Variants in AVPR2 observed in about 807,000 individuals in gnomAD.
The protein encoded by AVPR2 is arginine vasopressin receptor 2, also known as vasopressin V2 receptor.
Under a neutral mutation model 12.0 loss-of-function variants are expected in AVPR2, and 3 were observed. The observed-to-expected ratio is 0.25, with a 90% CI of 0.11 to 0.64. The LOEUF (loss-of-function observed/expected upper bound fraction) is 0.64, where lower values mean the gene tolerates loss of function less well. AVPR2 is among the 30% of genes least tolerant of loss of function. AVPR2 has a pLI of 0.84. For missense variants in AVPR2, 279 were observed against 347.9 expected, an observed-to-expected ratio of 0.80 and a Z score of 1.58; for synonymous variants, 143 against 147.5, an observed-to-expected ratio of 0.97 and a Z score of 0.22.
At position 153,905,821 on chromosome X, in the gene AVPR2, C is replaced by T. The variant is rs782202028; in HGVS notation, c.315C>T (p.Phe105=). 21 of 1,206,143 alleles carry T rather than the reference C, an allele frequency of 1.7e-5. No individual in the cohort carries two copies. In the Admixed American group the frequency reaches 2.8e-4, roughly 16 times the overall value. Residue 105 remains phenylalanine, a synonymous_variant, in exon 3 of 4, where the codon TTC becomes TTT. Transcript: ENST00000646375. ...TGGCCTGGAAGGCCACCGACCGCTTCCGTGGGCCAGATGCCCTGTGTCGGG... is the reference window on the plus strand; with the variant it reads ...TGGCCTGGAAGGCCACCGACCGCTTTCGTGGGCCAGATGCCCTGTGTCGGG... ...PQLAWKATDR[F]RGPDALCRAV...
chrX:153,904,561 T>G (rs2064949981), upstream of AVPR2, among the ~76,000 whole-genome samples: 1 of 105,839 alleles, frequency 9.4e-6, no homozygotes, highest in African/African-American at 3.5e-5. Context: ...GAGGAGGGAG[T>G]CCTGGGCCGG....
chrX:153,903,048 C>G (rs1241242879), upstream of AVPR2, among the ~76,000 whole-genome samples: 1 of 112,715 alleles, frequency 8.9e-6, no homozygotes, highest in African/African-American at 3.2e-5. Context: ...GTGCCAAGAG[C>G]TGGCGTGGCC....
At chrX:153,905,256 C>A (rs1557100325) in intron 2 of AVPR2, 86 bp downstream of exon 2, 58 of 1,157,859 alleles carry the variant, frequency 5.0e-5, no homozygotes, top group Non-Finnish European at 6.5e-5. Flanking sequence ...CTCCTTCACC[C>A]TCACCTCTGG....
In AVPR2 at chrX:153,906,134, G is replaced by A; in HGVS notation, c.628G>A (p.Ala210Thr). The A allele has an allele frequency of 8.2e-7, 1 of 1,212,448 alleles. No individual in the cohort carries two copies. The highest frequency in any genetic ancestry group is 1.1e-6 in the Non-Finnish European group (1 of 895,635). Residue 210 changes from alanine (A) to threonine (T), a missense_variant, in exon 3 of 4, where the codon GCC (alanine) becomes ACC (threonine). By Grantham distance (58) the Ala-to-Thr change is moderately conservative. Coordinates refer to ENST00000646375, the MANE Select transcript of AVPR2 (RefSeq NM_000054.7). Reference sequence around the variant, plus strand: ...CCGTCGCACCTATGTCACCTGGATTGCCCTGATGGTGTTCGTGGCACCTAC... The same window carrying A: ...CCGTCGCACCTATGTCACCTGGATTACCCTGATGGTGTTCGTGGCACCTAC... The part of the protein sequence containing the change: ...WGRRTYVTWI[A>T]LMVFVAPTLG...
Position 153,905,968 on chromosome X carries a change from T to C in AVPR2, c.462T>C (p.Ala154=), listed in dbSNP as rs1557100662. 2.5e-6 allele frequency: 3 copies of C among 1,204,852 alleles called. No homozygotes were observed. The East Asian group carries it at 8.9e-5, about 36-fold the overall frequency. ...PMLAYRHGSG[A]HWNRPVLVAW... ...TGGCGTACCGCCATGGAAGTGGGGCTCACTGGAACCGGCCGGTGCTAGTGG... is the reference window on the plus strand; with the variant it reads ...TGGCGTACCGCCATGGAAGTGGGGCCCACTGGAACCGGCCGGTGCTAGTGG... Residue 154 remains alanine (A), a synonymous_variant, in exon 3 of 4, where the codon GCT becomes GCC. Transcript: ENST00000646375.
In AVPR2 at chrX:153,906,918, A is replaced by C. The variant is rs1603282609; in HGVS notation, c.*190A>C. The stretch of plus-strand genomic sequence containing the variant: ...GGGTCTCCACATCCCCAGCTGTATG[A>C]GGAGAGCTTCAGGCCCCAGGACTGT... On this transcript the variant is annotated 3_prime_UTR_variant, in exon 4 of 4. Coordinates refer to ENST00000646375, the MANE Select transcript of AVPR2 (RefSeq NM_000054.7). 1.1e-5 allele frequency: 6 copies of C among 527,519 alleles called. No homozygotes were observed. The East Asian group carries it at 2.2e-4, about 19-fold the overall frequency. The allele number at this position is 527,519 out of a possible 1,213,427, so 43.5% of individuals were successfully genotyped here. A position where few individuals can be genotyped will look rare whatever the true frequency, so the allele number is the denominator to read the frequency against.
chrX:153,904,545 C>A (rs1306762104), upstream of AVPR2, among the ~76,000 whole-genome samples: 1 of 110,607 alleles, frequency 9.0e-6, no homozygotes, highest in Non-Finnish European at 1.9e-5. Context: ...GAGGCTATGG[C>A]AGTGGGAGGA....
upstream of AVPR2, among the ~76,000 whole-genome samples, chrX:153,903,095 G>A (rs1007734235): frequency 8.0e-5 from 9 of 112,795 alleles, no homozygotes; most frequent in Non-Finnish European, 1.3e-4. Context: ...GGCCAAGCAG[G>A]GGCTGGAGCC....
At chrX:153,904,300 G>GA (rs201385701), upstream of AVPR2, among the ~76,000 whole-genome samples, 339 of 112,899 alleles carry the variant, frequency 3.0e-3, 1 homozygote, top group African/African-American at 9.1e-3. Context: ...GGGGCCCAGC[G>GA]AAAGTGTTTT....
Position 153,904,992 on chromosome X carries a change from C to T in AVPR2, c.-154C>T, listed in dbSNP as rs782043055. The T allele has an allele frequency of 4.3e-5, 23 of 533,190 alleles. No individual in the cohort carries two copies. Among genetic ancestry groups the T allele is most frequent in the African/African-American group, 1.3e-4 (2 of 14,902 alleles). 43.9% of individuals were successfully genotyped at this position (533,190 alleles called of 1,213,427 possible). On this transcript the variant is annotated 5_prime_UTR_variant, in exon 2 of 4. Transcript: ENST00000646375. ...TGCCCAGGACTGGCCATACTGCCAC[C>T]GACACGTGCACACACGCCAACAGGC...
At chrX:153,904,554 G>GAGGGAGTCCTGGGCCGGGACC (rs1426034838), upstream of AVPR2, among the ~76,000 whole-genome samples, 28 of 111,562 alleles carry the variant, frequency 2.5e-4, no homozygotes, top group African/African-American at 9.1e-4. Context: ...GCAGTGGGAG[G>GAGGGAGTCCTGGGCCGGGACC]AGGGAGTCCT....
upstream of AVPR2, among the ~76,000 whole-genome samples, chrX:153,903,408 GC>G: frequency 7.2e-3 from 3 of 419 alleles, no homozygotes; most frequent in African/African-American, 0.025. Flanking sequence ...TGTGGTGTTG[GC>G]TGTGCGTATG....
rs782571215 is a variant in AVPR2 at position 153,905,936 on chromosome X, C to G, written c.430C>G (p.Pro144Ala). The G allele has an allele frequency of 1.7e-6, 2 of 1,204,041 alleles. No individual in the cohort carries two copies. Among genetic ancestry groups the G allele is most frequent in the Non-Finnish European group, 2.2e-6 (2 of 895,645 alleles). Residue 144 changes from proline (P) to alanine (A), a missense_variant, in exon 3 of 4, where the codon CCC becomes GCC. By Grantham distance (27) the Pro-to-Ala change is conservative. Transcript: ENST00000646375. Reference protein sequence around the residue: ...TLDRHRAICRPMLAYRHGSGA... With the variant: ...TLDRHRAICRAMLAYRHGSGA... ...GGACCGCCACCGTGCCATCTGCCGT[C>G]CCATGCTGGCGTACCGCCATGGAAG...
At chrX:153,904,578 G>C (rs782151919), upstream of AVPR2, 5 of 130,058 alleles carry the variant, frequency 3.8e-5, no homozygotes, top group African/African-American at 1.6e-4. Context: ...CCGGGACCAG[G>C]GAGGCCCTGG....
chrX:153,902,843 G>A (rs781861638), upstream of AVPR2: 26 of 307,709 alleles, frequency 8.4e-5, no homozygotes, highest in African/African-American at 2.1e-4. Flanking sequence ...GCACAGCCTC[G>A]TTCAGGCAGA....
chrX:153,905,320 C>A, intron 2 of AVPR2, 150 bp downstream of exon 2: 1 of 964,674 alleles, frequency 1.0e-6, no homozygotes, highest in Non-Finnish European at 1.5e-6. Flanking sequence ...CCCCACTTCC[C>A]CGCCAGGGCT....
In AVPR2 at chrX:153,906,227, T is replaced by A; in HGVS notation, c.721T>A (p.Ser241Thr). Residue 241 changes from serine (S) to threonine (T), a missense_variant, in exon 3 of 4, where the codon TCA becomes ACA. Transcript: ENST00000646375. ...TCATGCCAGTCTGGTGCCAGGGCCA[T>A]CAGAGAGGCCTGGGGGGCGCCGCAG... ...EIHASLVPGP[S>T]ERPGGRRRGR... The A allele has an allele frequency of 1.6e-6, 2 of 1,212,174 alleles. No individual in the cohort carries two copies. The highest frequency in any genetic ancestry group is 2.2e-5 in the Admixed American group (1 of 46,139).
upstream of AVPR2, among the ~76,000 whole-genome samples, chrX:153,903,713 T>C (rs1227251004): frequency 2.7e-5 from 3 of 111,226 alleles, no homozygotes; most frequent in South Asian, 3.7e-4. Context: ...AGAGGAGGCC[T>C]TGGCCGCGGG....
chrX:153,904,746 G>A lies in AVPR2; in HGVS notation c.-198G>A, dbSNP rs1268366393. The A allele has an allele frequency of 1.1e-5, 3 of 284,767 alleles. No individual in the cohort carries two copies. Among genetic ancestry groups the A allele is most frequent in the South Asian group, 4.6e-5 (1 of 21,912 alleles). 23.5% of individuals were successfully genotyped at this position (284,767 alleles called of 1,213,427 possible). On this transcript the variant is annotated 5_prime_UTR_variant, in exon 1 of 4. Coordinates refer to ENST00000646375, the MANE Select transcript of AVPR2 (RefSeq NM_000054.7). ...AGCACCCAGCCACCTTCACGCCACC[G>A]CCCAGCTGCCCAGGAGCCCAGCCAG...
Sources: allele counts gnomAD v4.1 joint callset (sites outside exome capture counted in the v4.1 genomes callset), GRCh38; gene constraint gnomAD v4.1.1; transcripts MANE v1.5; gene names NCBI Gene and HGNC (gene_info 2026-07-23, HGNC 2026-07-21).